The following IL1RAPL1 variants were observed in gnomAD, a reference collection of about 807,000 sequenced individuals.
The protein encoded by IL1RAPL1 is interleukin-1 receptor accessory protein-like 1.
In IL1RAPL1, 3 loss-of-function variants were observed where a neutral mutation model predicts 48.4. That is an observed-to-expected ratio of 0.06 (90% CI 0.03 to 0.16). The LOEUF (loss-of-function observed/expected upper bound fraction) is 0.16, where lower values mean the gene tolerates loss of function less well. Ranked by LOEUF, IL1RAPL1 falls within the 10% of genes least tolerant of loss-of-function variation. IL1RAPL1 has a pLI of 1.00. For missense variants in IL1RAPL1, 349 were observed against 530.6 expected (o/e 0.66, Z 3.36); for synonymous variants, 185 against 187.7 (o/e 0.99, Z 0.12).
At chrX:29,540,462 C>T (rs1272851942) in intron 5 of IL1RAPL1, among the ~76,000 whole-genome samples, 1 of 111,456 alleles carries the variant, frequency 9.0e-6, no homozygotes, top group African/African-American at 3.3e-5. Context: ...CAAAAACAGC[C>T]TGAATAGTTA....
chrX:28,685,555 A>C (rs1935100816), intron 1 of IL1RAPL1, among the ~76,000 whole-genome samples: 1 of 112,267 alleles, frequency 8.9e-6, no homozygotes, highest in Admixed American at 9.5e-5. Flanking sequence ...GCAAACAAAA[A>C]TAAACTCACA....
At chrX:29,064,111 G>C (rs1927398765) in intron 2 of IL1RAPL1, among the ~76,000 whole-genome samples, 1 of 111,821 alleles carries the variant, frequency 8.9e-6, no homozygotes, top group Non-Finnish European at 1.9e-5. Context: ...AGACACATTT[G>C]CTCAGCCATT....
At chrX:28,678,550 A>G (rs1390143172) in intron 1 of IL1RAPL1, among the ~76,000 whole-genome samples, 2 of 111,842 alleles carry the variant, frequency 1.8e-5, no homozygotes, top group East Asian at 2.8e-4. Context: ...CTGCTTATTT[A>G]TATTTATAAA....
Position 29,802,783 on chromosome X carries a change from GTGTGTGTGTATATATATATATATATA to G in IL1RAPL1, c.779-114673_779-114648del, listed in dbSNP as rs1374114909. ...TATATATATATATATATATATATATGTGTGTGTGTATATATATATATATATATGTGTGTATATATATGTATACATAT... is the reference window on the plus strand; with the variant it reads ...TATATATATATATATATATATATATGTGTGTGTATATATATGTATACATAT... On this transcript the variant is annotated intron_variant, in intron 6 of 10. Transcript: ENST00000378993. Among the ~76,000 whole-genome samples the G allele has an allele frequency of 1.2e-3, 23 of 19,282 alleles. 2 individuals carry two copies. The highest frequency in any genetic ancestry group is 4.6e-3 in the African/African-American group (23 of 5,017). The allele number at this position is 19,282 out of a possible 115,157, so 16.7% of individuals were successfully genotyped here. A position where few individuals can be genotyped will look rare whatever the true frequency, so the allele number is the denominator to read the frequency against.
chrX:28,992,174 A>C (rs1035580159), intron 2 of IL1RAPL1, among the ~76,000 whole-genome samples: 3 of 111,901 alleles, frequency 2.7e-5, no homozygotes, highest in Admixed American at 9.6e-5. Context: ...TTAGATAATA[A>C]ATGTATAAGT....
chrX:29,503,235 G>A (rs1446028821), intron 5 of IL1RAPL1, among the ~76,000 whole-genome samples: 2 of 111,295 alleles, frequency 1.8e-5, no homozygotes, highest in Non-Finnish European at 3.8e-5. Flanking sequence ...TTTTCAAAAA[G>A]CCAACTTTTT....
chrX:29,316,645 G>T (rs1046392621), intron 3 of IL1RAPL1, among the ~76,000 whole-genome samples: 1 of 111,746 alleles, frequency 8.9e-6, no homozygotes, highest in African/African-American at 3.3e-5. Context: ...CTTGAAGCAG[G>T]GGCTTACAGG....
At chrX:28,946,182 G>A (rs1002295625) in intron 2 of IL1RAPL1, among the ~76,000 whole-genome samples, 1 of 109,550 alleles carries the variant, frequency 9.1e-6, no homozygotes, top group African/African-American at 3.3e-5. Context: ...TGTATCTGAC[G>A]CAAAAATAAA....
intron 6 of IL1RAPL1, among the ~76,000 whole-genome samples, chrX:29,729,396 C>T (rs1371338651): frequency 4.5e-5 from 5 of 111,713 alleles, no homozygotes; most frequent in Admixed American, 3.8e-4. Context: ...GATGCCAAAA[C>T]GTAGACCTGT....
In IL1RAPL1 at chrX:28,855,267, C is replaced by T. The variant is rs912998389; in HGVS notation, c.82+65842C>T. On this transcript the variant is annotated intron_variant, in intron 2 of 10. Transcript: ENST00000378993. ...ACTCCTGACCTCAGGTGATCTACTG[C>T]CTTAGCCTCCCAAAGTGCCAAGATT... Among the ~76,000 whole-genome samples, 12 of 111,055 alleles carry T rather than the reference C, an allele frequency of 1.1e-4. No individual in the cohort carries two copies. In the Admixed American group the frequency reaches 1.2e-3, roughly 11 times the overall value.
rs187457234 is a variant in IL1RAPL1, at chrX:29,737,224, T to A, written c.778+68720T>A. 8.7e-3 allele frequency among the ~76,000 whole-genome samples: 979 copies of A among 112,066 alleles called. 9 individuals are homozygous for A. Among genetic ancestry groups the A allele is most frequent in the South Asian group, 0.023 (61 of 2,694 alleles). On this transcript the variant is annotated intron_variant, in intron 6 of 10. Transcript: ENST00000378993. ...ATGCTTGTACTTTATATTCTGAGGG[T>A]GTATACACATATTTTGAGGGTAGGT...
At chrX:29,562,627 A>C (rs1264672752) in intron 5 of IL1RAPL1, among the ~76,000 whole-genome samples, 1 of 111,890 alleles carries the variant, frequency 8.9e-6, no homozygotes, top group African/African-American at 3.2e-5. Context: ...CCTATTACCC[A>C]AACATAAATA....
chrX:29,885,955 T>C (rs1197355983), intron 6 of IL1RAPL1, among the ~76,000 whole-genome samples: 2 of 112,461 alleles, frequency 1.8e-5, no homozygotes, highest in African/African-American at 6.5e-5. Context: ...TAACATTTGT[T>C]TTAAATTATT....
intron 9 of IL1RAPL1, among the ~76,000 whole-genome samples, chrX:29,948,846 G>A (rs199662855): frequency 2.0e-3 from 181 of 88,693 alleles, no homozygotes; most frequent in East Asian, 9.0e-3. Context: ...AAAAAAAAAA[G>A]AAAAAAAAAA....
At chrX:29,099,076 C>T (rs955633004) in intron 2 of IL1RAPL1, among the ~76,000 whole-genome samples, 7 of 111,424 alleles carry the variant, frequency 6.3e-5, no homozygotes, top group Non-Finnish European at 5.6e-5. Context: ...CGTTTGAACC[C>T]GGGAGGCAGA....
intron 1 of IL1RAPL1, among the ~76,000 whole-genome samples, chrX:28,692,849 C>CT (rs1935194151): frequency 9.0e-6 from 1 of 111,340 alleles, no homozygotes; most frequent in South Asian, 3.7e-4. Context: ...CCTATATATT[C>CT]TTTTTTTACC....
intron 7 of IL1RAPL1, among the ~76,000 whole-genome samples, chrX:29,918,798 G>A (rs1453698042): frequency 8.9e-6 from 1 of 111,930 alleles, no homozygotes; most frequent in Non-Finnish European, 1.9e-5. Context: ...ATTCATTTAA[G>A]TATCAATTAT....
intron 5 of IL1RAPL1, among the ~76,000 whole-genome samples, chrX:29,427,778 T>C (rs1365997845): frequency 9.0e-6 from 1 of 111,727 alleles, no homozygotes; most frequent in Non-Finnish European, 1.9e-5. Flanking sequence ...TAAGTAATTA[T>C]AGAAAACAAG....
At chrX:29,806,778 A>G (rs986441168) in intron 6 of IL1RAPL1, among the ~76,000 whole-genome samples, 1 of 111,803 alleles carries the variant, frequency 8.9e-6, no homozygotes, top group Non-Finnish European at 1.9e-5. Context: ...AGGTTTGACT[A>G]TGTGTCTCCA....
Sources: gnomAD v4.1 joint callset for allele counts (sites outside exome capture counted in the v4.1 genomes callset) on GRCh38, gnomAD v4.1.1 for gene constraint, MANE v1.5 for transcripts, NCBI Gene and HGNC (gene_info 2026-07-23, HGNC 2026-07-21) for gene names.